PKN2: variants seen among roughly 807,000 people sequenced by gnomAD.
The protein encoded by PKN2 is serine/threonine-protein kinase N2.
Under a neutral mutation model 119.1 loss-of-function variants are expected in PKN2, and 38 were observed. The observed-to-expected ratio is 0.32, with a 90% CI of 0.25 to 0.42. The LOEUF (loss-of-function observed/expected upper bound fraction) is 0.42. Among genes scored for constraint, PKN2 ranks in the 10% least tolerant of loss-of-function variants. The probability of loss-of-function intolerance (pLI) is 1.00; values close to 1 mark genes in which losing one functional copy is unlikely to be tolerated. For missense variants in PKN2, 850 were observed against 1,165.1 expected (o/e 0.73, Z 3.94); for synonymous variants, 390 against 384.9 (o/e 1.01, Z -0.15).
At chr1:88,761,057 C>T (rs1669421081) in intron 3 of PKN2, among the ~76,000 whole-genome samples, 1 of 152,078 alleles carries the variant, frequency 6.6e-6, no homozygotes, top group Non-Finnish European at 1.5e-5. Context: ...TGGCCTAGAC[C>T]TGTGCATTCT....
In PKN2 at chr1:88,771,531, T is replaced by C; in HGVS notation, c.733T>C (p.Ser245Pro). Residue 245 changes from serine (S) to proline (P), a missense_variant, in exon 5 of 22, where the codon TCA (serine) becomes CCA (proline). Physicochemically the swap from Ser to Pro is moderately conservative, Grantham distance 74. Coordinates refer to ENST00000370521, the MANE Select transcript of PKN2 (RefSeq NM_006256.4). ...AAAGAATGTAATGAAATTACTTGGC[T>C]CAGGAAAAGTAACAGACAGAAAAGC... ...GAKNVMKLLG[S>P]GKVTDRKALS... is the part of the protein sequence containing the mutation. 1 of 1,604,288 alleles carries C rather than the reference T, an allele frequency of 6.2e-7. No individual in the cohort carries two copies.
rs142283574 is a variant in PKN2 at position 88,705,687 on chromosome 1, G to C, written c.48+21059G>C. Among the ~76,000 whole-genome samples the C allele has an allele frequency of 6.2e-4, 94 of 152,168 alleles. No individual in the cohort carries two copies. The East Asian group carries it at 0.017, about 27-fold the overall frequency. ...CACTCCAGCCTGGGTGACAGAGTGA[G>C]ACTCGGTCTGCAAAAATATATATAT... On this transcript the variant is annotated intron_variant, in intron 1 of 21. Coordinates refer to ENST00000370521, the MANE Select transcript of PKN2 (RefSeq NM_006256.4).
chr1:88,750,103 C>G (rs1169144852), intron 2 of PKN2, among the ~76,000 whole-genome samples: 1 of 152,120 alleles, frequency 6.6e-6, no homozygotes. Context: ...AATATGTACC[C>G]TATCTAGGGT....
At chr1:88,737,494 GGAA>G (rs1317248577) in intron 1 of PKN2, among the ~76,000 whole-genome samples, 2 of 152,244 alleles carry the variant, frequency 1.3e-5, no homozygotes, top group African/African-American at 4.8e-5. Flanking sequence ...GCCTAGGGTT[GGAA>G]GAAGAATAAT....
intron 16 of PKN2, among the ~76,000 whole-genome samples, chr1:88,818,647 C>CAAAA (rs199849657): frequency 2.4e-5 from 2 of 81,780 alleles, no homozygotes; most frequent in South Asian, 8.3e-4. Context: ...GACTCCTTCT[C>CAAAA]AAAAAAAAAA....
intron 9 of PKN2, 152 bp from the exon 10 acceptor site, chr1:88,804,694 A>G: frequency 1.3e-6 from 1 of 755,796 alleles, no homozygotes; most frequent in Non-Finnish European, 2.2e-6. Flanking sequence ...GAGACAAATC[A>G]ATTATTCTTC....
In PKN2 at chr1:88,720,402, T is replaced by C. The variant is rs546508166; in HGVS notation, c.49-20586T>C. 1.9e-4 allele frequency among the ~76,000 whole-genome samples: 29 copies of C among 152,318 alleles called. 2 individuals carry two copies. The South Asian group carries it at 6.0e-3, about 32-fold the overall frequency. ...GTTTAGATTTCTGTTGCACTGAGTC[T>C]CTGCCTCTATTGGAGTCACTTCCCA... On this transcript the variant is annotated intron_variant, in intron 1 of 21. Coordinates refer to ENST00000370521, the MANE Select transcript of PKN2 (RefSeq NM_006256.4).
chr1:88,779,138 T>C lies in PKN2; in HGVS notation c.986-5501T>C, dbSNP rs532460422. Among the ~76,000 whole-genome samples, 3 of 152,264 alleles carry C rather than the reference T, an allele frequency of 2.0e-5. No homozygotes were observed. The South Asian group carries it at 6.2e-4, about 32-fold the overall frequency. ...TATTTGAGAAAAAGATCTTCTCTGC[T>C]CCCTCCTTACAGCAGGCTGCCATCT... On this transcript the variant is annotated intron_variant, in intron 6 of 21. Coordinates refer to ENST00000370521, the MANE Select transcript of PKN2 (RefSeq NM_006256.4).
At chr1:88,753,196 T>A (rs1486542827) in intron 2 of PKN2, among the ~76,000 whole-genome samples, 1 of 152,190 alleles carries the variant, frequency 6.6e-6, no homozygotes, top group Non-Finnish European at 1.5e-5. Flanking sequence ...GTTTTTGCCG[T>A]TGTAATTATA....
In PKN2 at chr1:88,684,556, G is replaced by C. The variant is rs1401086646; in HGVS notation, c.-25G>C. On this transcript the variant is annotated 5_prime_UTR_variant, in exon 1 of 22. Transcript: ENST00000370521. ...CCTTCGCCAGAGGCGGCCGCGTCCAGGTGCGGAGTCCATACCGGAGCGCAA... is the reference window on the plus strand; with the variant it reads ...CCTTCGCCAGAGGCGGCCGCGTCCACGTGCGGAGTCCATACCGGAGCGCAA... The C allele has an allele frequency of 1.3e-6, 2 of 1,538,384 alleles. No homozygotes were observed.
intron 8 of PKN2, among the ~76,000 whole-genome samples, chr1:88,792,500 C>T (rs1054626433): frequency 6.6e-6 from 1 of 152,156 alleles, no homozygotes; most frequent in Admixed American, 6.6e-5. Context: ...GACCCTTGAG[C>T]AACGCAGGGG....
intron 8 of PKN2, among the ~76,000 whole-genome samples, chr1:88,786,805 T>A (rs1193680658): frequency 6.6e-6 from 1 of 152,084 alleles, no homozygotes; most frequent in Non-Finnish European, 1.5e-5. Flanking sequence ...GATACTAAAC[T>A]TTTTTATTAT....
intron 1 of PKN2, among the ~76,000 whole-genome samples, chr1:88,713,155 T>C (rs1262559690): frequency 6.6e-6 from 1 of 152,208 alleles, no homozygotes; most frequent in Non-Finnish European, 1.5e-5. Flanking sequence ...GTGCCACACT[T>C]TCTTAATCCA....
In PKN2 at chr1:88,760,225, G is replaced by T. The variant is rs1669387799; in HGVS notation, c.353G>T (p.Cys118Phe). Residue 118 changes from cysteine to phenylalanine, a missense_variant, in exon 3 of 22, where the codon TGC (cysteine) becomes TTC (phenylalanine). By Grantham distance (205) the Cys-to-Phe change is radical (BLOSUM62 -2). This residue lies in a region of PKN2 where 350 missense variants were observed against 511.1 expected (regional missense o/e 0.68). Transcript: ENST00000370521. ...TTTAACAATATTTTATTTACAGATT[G>T]CCCAAGGACTCCAGATACTCCAAAT... ...VVSDPEDITDCPRTPDTPNND... is the reference protein window; with the variant it reads ...VVSDPEDITDFPRTPDTPNND... 2 of 1,517,642 alleles carry T rather than the reference G, an allele frequency of 1.3e-6. No individual in the cohort carries two copies. The highest frequency in any genetic ancestry group is 1.4e-5 in the African/African-American group (1 of 71,542). The allele number at this position is 1,517,642 out of a possible 1,614,324, so 94.0% of individuals were successfully genotyped here. A position where few individuals can be genotyped will look rare whatever the true frequency, so the allele number is the denominator to read the frequency against.
chr1:88,710,412 G>A (rs540513500), intron 1 of PKN2, among the ~76,000 whole-genome samples: 1 of 152,090 alleles, frequency 6.6e-6, no homozygotes, highest in East Asian at 1.9e-4. Context: ...TACATTCTAT[G>A]GTATTTTTAC....
At chr1:88,697,717 A>G (rs923768097) in intron 1 of PKN2, among the ~76,000 whole-genome samples, 4 of 152,140 alleles carry the variant, frequency 2.6e-5, no homozygotes, top group African/African-American at 9.7e-5. Flanking sequence ...TTCATTCTTA[A>G]GTCTTACTCA....
At chr1:88,804,955 A>G (rs763965588) in intron 10 of PKN2, 34 bp downstream of exon 10, 3 of 1,002,210 alleles carry the variant, frequency 3.0e-6, no homozygotes, top group Non-Finnish European at 4.6e-6. Flanking sequence ...TAGCATTTTG[A>G]TATTTTCTTA....
At chr1:88,686,624 T>G (rs1666113298) in intron 1 of PKN2, among the ~76,000 whole-genome samples, 2 of 152,122 alleles carry the variant, frequency 1.3e-5, no homozygotes, top group Admixed American at 6.5e-5. Context: ...TTTATTTGAC[T>G]CCCAGTTTTG....
intron 16 of PKN2, among the ~76,000 whole-genome samples, chr1:88,816,372 AAATAGCTGG>A (rs934654997): frequency 4.6e-5 from 7 of 151,836 alleles, no homozygotes; most frequent in South Asian, 4.2e-4. Context: ...TCAGCCTCCC[AAATAGCTGG>A]GACTACAGGC....
Sources: allele counts gnomAD v4.1 joint callset (sites outside exome capture counted in the v4.1 genomes callset), GRCh38; gene constraint gnomAD v4.1.1; regional missense constraint gnomAD v4.1.1; transcripts MANE v1.5; gene names NCBI Gene and HGNC (gene_info 2026-07-23, HGNC 2026-07-21).